Variants in DLG2 observed in about 807,000 individuals in gnomAD.
DLG2 encodes the protein disks large homolog 2.
In DLG2, 45 loss-of-function variants were observed where a neutral mutation model predicts 132.5. The ratio of observed to expected loss-of-function variants is 0.34; its 90% CI spans 0.27 to 0.44. The LOEUF (loss-of-function observed/expected upper bound fraction) is 0.44, where lower values mean the gene tolerates loss of function less well. Ranked by LOEUF, DLG2 falls within the 20% of genes least tolerant of loss-of-function variation. The pLI is 1.00. For synonymous variants in DLG2, 424 were observed against 419.6 expected, an observed-to-expected ratio of 1.01 and a Z score of -0.13; for missense variants, 1,045 against 1,196.9, an observed-to-expected ratio of 0.87 and a Z score of 1.87.
chr11:85,307,680 C>G (rs1396585989), intron 3 of DLG2, among the ~76,000 whole-genome samples: 1 of 152,186 alleles, frequency 6.6e-6, no homozygotes, highest in Non-Finnish European at 1.5e-5. Flanking sequence ...TGCCACAGTA[C>G]TGATCCACTT....
chr11:84,923,983 G>T (rs1281988153), intron 6 of DLG2, among the ~76,000 whole-genome samples: 1 of 151,854 alleles, frequency 6.6e-6, no homozygotes. Context: ...GATTTCAGGG[G>T]ATAACATAAC....
intron 3 of DLG2, among the ~76,000 whole-genome samples, chr11:85,483,537 A>C (rs2093348460): frequency 6.6e-6 from 1 of 152,234 alleles, no homozygotes; most frequent in Non-Finnish European, 1.5e-5. Flanking sequence ...AACAACTAAA[A>C]GCATAAAACT....
chr11:84,702,003 A>C (rs1255740883), intron 6 of DLG2, among the ~76,000 whole-genome samples: 1 of 151,546 alleles, frequency 6.6e-6, no homozygotes, highest in East Asian at 1.9e-4. Context: ...TTTCTCAATA[A>C]TTACTCTCCT....
At chr11:84,688,499 A>C (rs779946514) in intron 6 of DLG2, among the ~76,000 whole-genome samples, 1 of 152,188 alleles carries the variant, frequency 6.6e-6, no homozygotes, top group African/African-American at 2.4e-5. Context: ...TGATTTACAT[A>C]GGTATTGAGC....
chr11:83,964,270 C>A (rs531092817), intron 13 of DLG2, among the ~76,000 whole-genome samples: 21 of 150,780 alleles, frequency 1.4e-4, no homozygotes, highest in African/African-American at 2.7e-4. Flanking sequence ...TTGAAAAACT[C>A]TGAAAGTTAA....
chr11:83,501,507 G>A (rs1446851135), intron 21 of DLG2, among the ~76,000 whole-genome samples: 1 of 152,014 alleles, frequency 6.6e-6, no homozygotes, highest in Non-Finnish European at 1.5e-5. Flanking sequence ...CATATATCTG[G>A]GCCTGTTTCT....
chr11:85,283,079 C>T, intron 4 of DLG2, among the ~76,000 whole-genome samples: 1 of 151,858 alleles, frequency 6.6e-6, no homozygotes, highest in Non-Finnish European at 1.5e-5. Context: ...ACACTGGCAC[C>T]TACTAGAGGG....
intron 19 of DLG2, among the ~76,000 whole-genome samples, chr11:83,542,868 C>A (rs918875684): frequency 5.3e-5 from 8 of 152,142 alleles, no homozygotes; most frequent in Non-Finnish European, 1.0e-4. Flanking sequence ...TCTATCTATT[C>A]CCCTTTGATT....
intron 5 of DLG2, among the ~76,000 whole-genome samples, chr11:85,111,955 A>G (rs1017066446): frequency 2.8e-4 from 43 of 152,088 alleles, no homozygotes; most frequent in Admixed American, 8.5e-4. Flanking sequence ...TCTAAGGACT[A>G]GGTTTCTGGC....
At chr11:84,451,902 G>A (rs2099052596) in intron 7 of DLG2, among the ~76,000 whole-genome samples, 1 of 151,584 alleles carries the variant, frequency 6.6e-6, no homozygotes, top group African/African-American at 2.4e-5. Context: ...CAGCAAGCCA[G>A]GAAGATATCT....
chr11:83,716,091 T>C (rs2086627231), intron 18 of DLG2, among the ~76,000 whole-genome samples: 1 of 152,180 alleles, frequency 6.6e-6, no homozygotes, highest in African/African-American at 2.4e-5. Context: ...GCCTGGCACA[T>C]AACATAGCAA....
At chr11:84,923,809 G>A (rs1307227964) in intron 6 of DLG2, among the ~76,000 whole-genome samples, 5 of 152,066 alleles carry the variant, frequency 3.3e-5, no homozygotes, top group African/African-American at 4.8e-5. Flanking sequence ...GTGGTTAAAG[G>A]ACTGAGAAGT....
chr11:84,941,324 GATTA>G (rs998874491), intron 6 of DLG2, among the ~76,000 whole-genome samples: 33 of 151,398 alleles, frequency 2.2e-4, no homozygotes, highest in African/African-American at 7.8e-4. Context: ...GAGAAGTATG[GATTA>G]ATTAATAGAT....
At chr11:84,047,557 C>T (rs971950272) in intron 11 of DLG2, among the ~76,000 whole-genome samples, 2 of 151,502 alleles carry the variant, frequency 1.3e-5, no homozygotes, top group Non-Finnish European at 3.0e-5. Context: ...CTATTCACAG[C>T]TTTTCACAGG....
At chr11:84,127,063 G>A (rs2094206684) in intron 9 of DLG2, among the ~76,000 whole-genome samples, 1 of 152,142 alleles carries the variant, frequency 6.6e-6, no homozygotes, top group South Asian at 2.1e-4. Flanking sequence ...AGCCATTATA[G>A]TTTTAGGAAT....
intron 3 of DLG2, among the ~76,000 whole-genome samples, chr11:85,483,103 T>C (rs2093338390): frequency 6.6e-6 from 1 of 152,026 alleles, no homozygotes; most frequent in African/African-American, 2.4e-5. Context: ...AGGCCTCCAG[T>C]CAGATTCAAC....
chr11:84,909,867 C>G (rs1369907570), intron 6 of DLG2, among the ~76,000 whole-genome samples: 2 of 152,188 alleles, frequency 1.3e-5, no homozygotes, highest in East Asian at 1.9e-4. Context: ...CACTGACCAT[C>G]CCCCGCATAC....
intron 14 of DLG2, among the ~76,000 whole-genome samples, chr11:83,949,371 T>C (rs1423572329): frequency 6.6e-6 from 1 of 151,706 alleles, no homozygotes; most frequent in East Asian, 2.0e-4. Flanking sequence ...TACCCCCATT[T>C]TCTTGGATTA....
At chr11:84,367,463 T>C (rs200067188) in intron 7 of DLG2, among the ~76,000 whole-genome samples, 4 of 152,118 alleles carry the variant, frequency 2.6e-5, no homozygotes, top group Non-Finnish European at 5.9e-5. Context: ...GGATGATTGT[T>C]TGAAGTCTCG....
Sources: allele counts gnomAD v4.1 joint callset (sites outside exome capture counted in the v4.1 genomes callset), GRCh38; gene constraint gnomAD v4.1.1; transcripts MANE v1.5; gene names NCBI Gene and HGNC (gene_info 2026-07-23, HGNC 2026-07-21).